The following STXBP5L variants were observed in gnomAD, a reference collection of about 807,000 sequenced individuals.
STXBP5L encodes the protein syntaxin-binding protein 5-like.
STXBP5L carries 65 observed loss-of-function variants against 144.5 expected under a neutral mutation model. The ratio of observed to expected loss-of-function variants is 0.45; its 90% CI spans 0.37 to 0.55. The LOEUF (loss-of-function observed/expected upper bound fraction) is 0.55, where lower values mean the gene tolerates loss of function less well. Among genes scored for constraint, STXBP5L ranks in the 20% least tolerant of loss-of-function variants. The pLI is 0.00. For missense variants in STXBP5L, 1,298 were observed against 1,405.5 expected (o/e 0.92, Z 1.22); for synonymous variants, 505 against 469.6 (o/e 1.08, Z -0.97).
intron 3 of STXBP5L, among the ~76,000 whole-genome samples, chr3:121,017,246 CATG>C (rs1335033789): frequency 6.6e-6 from 1 of 152,148 alleles, no homozygotes; most frequent in Non-Finnish European, 1.5e-5. Flanking sequence ...CACACCCACA[CATG>C]ATAAAAACCC....
chr3:121,222,932 T>A, intron 10 of STXBP5L, 71 bp from the exon 11 acceptor site: 1 of 1,477,006 alleles, frequency 6.8e-7, no homozygotes, highest in East Asian at 2.4e-5. Flanking sequence ...CTGTTCTTTA[T>A]AGGTTCAGTC....
chr3:120,963,915 G>T (rs1576503789), intron 3 of STXBP5L, among the ~76,000 whole-genome samples: 1 of 152,112 alleles, frequency 6.6e-6, no homozygotes, highest in Admixed American at 6.6e-5. Context: ...ATTGTTTTTG[G>T]TTGGTAGGCT....
chr3:120,910,552 A>G (rs936161185), intron 2 of STXBP5L, among the ~76,000 whole-genome samples: 2 of 152,142 alleles, frequency 1.3e-5, no homozygotes, highest in African/African-American at 4.8e-5. Context: ...TGTGCCTATT[A>G]TATGCAACAA....
chr3:120,983,203 A>G (rs755742978), intron 3 of STXBP5L, among the ~76,000 whole-genome samples: 4 of 152,090 alleles, frequency 2.6e-5, no homozygotes, highest in Non-Finnish European at 1.5e-5. Flanking sequence ...GGCAGAACAC[A>G]GGCGTCTGGG....
chr3:121,315,514 A>T (rs940118061), intron 19 of STXBP5L, among the ~76,000 whole-genome samples: 5 of 151,384 alleles, frequency 3.3e-5, no homozygotes, highest in Admixed American at 3.3e-4. Flanking sequence ...GGATAGCATT[A>T]GGAGATATAC....
At position 121,061,006 on chromosome 3, in the gene STXBP5L, T is replaced by A. The variant is rs150709266; in HGVS notation, c.470+15471T>A. Among the ~76,000 whole-genome samples, 42 of 152,326 alleles carry A rather than the reference T, an allele frequency of 2.8e-4. No individual in the cohort carries two copies. In the East Asian group the frequency reaches 8.1e-3, roughly 29 times the overall value. On this transcript the variant is annotated intron_variant, in intron 5 of 26. Transcript: ENST00000471454. ...CTCTGATCTTAGTTATTTCTTGTCTTCTGCTACCTTTTGAATATGTTTGCT... is the reference window on the plus strand; with the variant it reads ...CTCTGATCTTAGTTATTTCTTGTCTACTGCTACCTTTTGAATATGTTTGCT...
In STXBP5L at chr3:121,422,410, G is replaced by A. The variant is rs2047371153; in HGVS notation, c.*3313G>A. ...TTCCTTGGAAGATAAGGCCTTTTTA[G>A]TGTTACAGTAGAAAATGGGCCTTTT... On this transcript the variant is annotated 3_prime_UTR_variant, in exon 27 of 27. Transcript: ENST00000471454. 6.6e-6 allele frequency: 1 copy of A among 152,104 alleles called. No homozygotes were observed. Among genetic ancestry groups the A allele is most frequent in the Non-Finnish European group, 1.5e-5 (1 of 68,004 alleles). 9.4% of individuals were successfully genotyped at this position (152,104 alleles called of 1,614,324 possible). A position where few individuals can be genotyped will look rare whatever the true frequency, so the allele number is the denominator to read the frequency against.
chr3:121,338,770 T>A (rs1176686890), intron 20 of STXBP5L, among the ~76,000 whole-genome samples: 1 of 151,962 alleles, frequency 6.6e-6, no homozygotes, highest in African/African-American at 2.4e-5. Context: ...TATGAACACC[T>A]CTGTGCACAT....
intron 9 of STXBP5L, among the ~76,000 whole-genome samples, chr3:121,202,552 G>A (rs1016009935): frequency 1.3e-5 from 2 of 152,028 alleles, no homozygotes; most frequent in African/African-American, 2.4e-5. Flanking sequence ...TCAGCCTGAA[G>A]GACTTTTTTT....
At chr3:121,191,592 G>T (rs2047687135) in intron 9 of STXBP5L, among the ~76,000 whole-genome samples, 1 of 152,028 alleles carries the variant, frequency 6.6e-6, no homozygotes. Flanking sequence ...CCAATTCTGT[G>T]AAGAAAGTCA....
At chr3:121,093,878 G>A (rs548950908) in intron 5 of STXBP5L, among the ~76,000 whole-genome samples, 1,606 of 152,002 alleles carry the variant, frequency 0.011, 26 homozygotes, top group African/African-American at 0.037. Flanking sequence ...TGTCAATTTT[G>A]GATCTTTCCT....
intron 9 of STXBP5L, among the ~76,000 whole-genome samples, chr3:121,179,420 A>G (rs2047056089): frequency 6.6e-6 from 1 of 152,208 alleles, no homozygotes; most frequent in Admixed American, 6.5e-5. Flanking sequence ...TAAGCAAAAA[A>G]TACCGTACAT....
chr3:121,015,288 A>C (rs922804154), intron 3 of STXBP5L, among the ~76,000 whole-genome samples: 5 of 152,194 alleles, frequency 3.3e-5, no homozygotes, highest in Admixed American at 3.3e-4. Context: ...TCTGGTTTCA[A>C]CTTCAACATG....
intron 18 of STXBP5L, among the ~76,000 whole-genome samples, chr3:121,261,629 TTCA>T (rs1398216355): frequency 6.6e-6 from 1 of 152,158 alleles, no homozygotes; most frequent in African/African-American, 2.4e-5. Context: ...ATCAGTGTAG[TTCA>T]TCACATTAGC....
intron 2 of STXBP5L, among the ~76,000 whole-genome samples, chr3:120,922,062 A>G (rs1709385655): frequency 6.6e-6 from 1 of 152,022 alleles, no homozygotes; most frequent in African/African-American, 2.4e-5. Flanking sequence ...TAGAATTGTC[A>G]TTTTAACAAT....
At chr3:121,026,559 G>A (rs987782803) in intron 3 of STXBP5L, among the ~76,000 whole-genome samples, 1 of 151,998 alleles carries the variant, frequency 6.6e-6, no homozygotes, top group Non-Finnish European at 1.5e-5. Flanking sequence ...TCAATGGTTT[G>A]GCAGTTAGGT....
chr3:121,373,557 A>T (rs1028141734), intron 20 of STXBP5L, among the ~76,000 whole-genome samples: 1 of 152,152 alleles, frequency 6.6e-6, no homozygotes, highest in African/African-American at 2.4e-5. Flanking sequence ...TAGTGTTGCT[A>T]TGCCAGCTGA....
At chr3:120,983,841 C>T (rs550076580) in intron 3 of STXBP5L, among the ~76,000 whole-genome samples, 1 of 152,174 alleles carries the variant, frequency 6.6e-6, no homozygotes, top group Non-Finnish European at 1.5e-5. Flanking sequence ...AGTGTTCTCT[C>T]TTAGACAATC....
intron 2 of STXBP5L, among the ~76,000 whole-genome samples, chr3:120,950,990 A>G (rs944832428): frequency 6.6e-6 from 1 of 152,164 alleles, no homozygotes; most frequent in Non-Finnish European, 1.5e-5. Flanking sequence ...GGCCTCAGAA[A>G]TAATGCTGCA....
Sources: allele counts gnomAD v4.1 joint callset (sites outside exome capture counted in the v4.1 genomes callset), GRCh38; gene constraint gnomAD v4.1.1; transcripts MANE v1.5; gene names NCBI Gene and HGNC (gene_info 2026-07-23, HGNC 2026-07-21).